The following NRXN3 variants were observed in gnomAD, a reference collection of about 807,000 sequenced individuals.
The protein encoded by NRXN3 is neurexin 3.
NRXN3 carries 32 observed loss-of-function variants against 137.6 expected under a neutral mutation model. That is an observed-to-expected ratio of 0.23 (90% CI 0.18 to 0.31). NRXN3 has a LOEUF of 0.31. Among genes scored for constraint, NRXN3 ranks in the 10% least tolerant of loss-of-function variants. The pLI, the probability that NRXN3 is intolerant of heterozygous loss-of-function variation, is 1.00. For missense variants in NRXN3, 1,574 were observed against 2,062.5 expected (o/e 0.76, Z 4.59); for synonymous variants, 798 against 784.5 (o/e 1.02, Z -0.29).
chr14:78,289,806 G>A (rs1404547208), intron 3 of NRXN3, among the ~76,000 whole-genome samples: 3 of 152,106 alleles, frequency 2.0e-5, no homozygotes, highest in Non-Finnish European at 2.9e-5. Flanking sequence ...CCCAGCCACT[G>A]GGAAGGCTGG....
chr14:78,532,070 C>T (rs140550800), intron 4 of NRXN3, among the ~76,000 whole-genome samples: 3,180 of 148,726 alleles, frequency 0.021, 65 homozygotes, highest in Non-Finnish European at 0.031. Flanking sequence ...TTTGAGAGGC[C>T]GAGGTAGGTG....
At chr14:78,842,199 G>A (rs1446600431) in intron 10 of NRXN3, among the ~76,000 whole-genome samples, 1 of 151,920 alleles carries the variant, frequency 6.6e-6, no homozygotes, top group Non-Finnish European at 1.5e-5. Context: ...CCTTTAATCT[G>A]GTCATTTATT....
intron 15 of NRXN3, among the ~76,000 whole-genome samples, chr14:79,179,931 T>C (rs1033076266): frequency 1.3e-5 from 2 of 152,228 alleles, no homozygotes; most frequent in Non-Finnish European, 2.9e-5. Context: ...ATTTCTTTAA[T>C]GCTCAATCAG....
chr14:78,228,489 C>A (rs2064976116), intron 1 of NRXN3, among the ~76,000 whole-genome samples: 1 of 152,072 alleles, frequency 6.6e-6, no homozygotes, highest in Non-Finnish European at 1.5e-5. Context: ...GTAAGGTGAA[C>A]AGAAAAATAG....
intron 10 of NRXN3, among the ~76,000 whole-genome samples, chr14:78,933,429 A>C (rs2099327533): frequency 6.6e-6 from 1 of 152,226 alleles, no homozygotes; most frequent in African/African-American, 2.4e-5. Context: ...CTTTGTGGCT[A>C]ACTGATCTTT....
At chr14:78,448,787 C>T (rs921939533) in intron 4 of NRXN3, among the ~76,000 whole-genome samples, 3 of 152,220 alleles carry the variant, frequency 2.0e-5, no homozygotes, top group Middle Eastern at 3.4e-3. Flanking sequence ...CCCTCTTATC[C>T]CCTCCCCTGC....
rs187414124 is a variant in NRXN3, at chr14:78,617,242, T to C, written c.758-27878T>C. Among the ~76,000 whole-genome samples the C allele has an allele frequency of 2.3e-4, 35 of 152,198 alleles. 1 individual carries two copies. Among genetic ancestry groups the C allele is most frequent in the Non-Finnish European group, 4.4e-4 (30 of 68,004 alleles). ...CCTCCCAGCTGTTGGAGGAAGGAAA[T>C]TGCTGACAGCCACTCCCCATTGGGT... On this transcript the variant is annotated intron_variant, in intron 4 of 20. Transcript: ENST00000335750.
At chr14:78,684,837 A>G (rs186012781) in intron 6 of NRXN3, among the ~76,000 whole-genome samples, 6 of 152,230 alleles carry the variant, frequency 3.9e-5, no homozygotes, top group Admixed American at 6.5e-5. Context: ...TTTTTTCCCC[A>G]AGAGTATTGA....
At chr14:79,520,332 C>T (rs2097051051) in intron 16 of NRXN3, among the ~76,000 whole-genome samples, 1 of 152,074 alleles carries the variant, frequency 6.6e-6, no homozygotes, top group Non-Finnish European at 1.5e-5. Context: ...TTCTGGGATA[C>T]TTGTGCAGAA....
At chr14:78,411,371 T>C (rs1598370407) in intron 4 of NRXN3, among the ~76,000 whole-genome samples, 1 of 152,178 alleles carries the variant, frequency 6.6e-6, no homozygotes, top group East Asian at 1.9e-4. Flanking sequence ...GCTGAGCCTT[T>C]CCCTGCTGCA....
chr14:78,597,800 T>A (rs1372355249), intron 4 of NRXN3, among the ~76,000 whole-genome samples: 1 of 152,174 alleles, frequency 6.6e-6, no homozygotes, highest in African/African-American at 2.4e-5. Context: ...CATGAAGACA[T>A]ATAAACAGTG....
intron 10 of NRXN3, among the ~76,000 whole-genome samples, chr14:78,848,133 A>G (rs1455402197): frequency 6.6e-6 from 1 of 152,136 alleles, no homozygotes; most frequent in Non-Finnish European, 1.5e-5. Context: ...ATGGTGGGGC[A>G]GATGTGGGCT....
At chr14:79,104,229 G>C (rs1333701548) in intron 15 of NRXN3, among the ~76,000 whole-genome samples, 1 of 152,168 alleles carries the variant, frequency 6.6e-6, no homozygotes, top group Non-Finnish European at 1.5e-5. Context: ...CATGTCAATA[G>C]GACATGTGGA....
At chr14:78,884,937 A>T (rs1259592165) in intron 10 of NRXN3, among the ~76,000 whole-genome samples, 1 of 150,802 alleles carries the variant, frequency 6.6e-6, no homozygotes, top group Non-Finnish European at 1.5e-5. Context: ...ATTAAAGCGT[A>T]CCTGACACAT....
intron 16 of NRXN3, among the ~76,000 whole-genome samples, chr14:79,484,433 TG>T (rs1466630003): frequency 6.6e-6 from 1 of 152,202 alleles, no homozygotes; most frequent in Non-Finnish European, 1.5e-5. Flanking sequence ...TATTTTTAAA[TG>T]CAGATATTTC....
At chr14:78,940,461 T>C (rs2099350897) in intron 10 of NRXN3, among the ~76,000 whole-genome samples, 1 of 152,210 alleles carries the variant, frequency 6.6e-6, no homozygotes, top group Non-Finnish European at 1.5e-5. Flanking sequence ...TACATTTTTA[T>C]ATCACTCTCT....
At chr14:79,393,824 A>G (rs1402279410) in intron 15 of NRXN3, among the ~76,000 whole-genome samples, 1 of 152,176 alleles carries the variant, frequency 6.6e-6, no homozygotes, top group African/African-American at 2.4e-5. Flanking sequence ...AAAAAAACAA[A>G]AACAAAAACA....
chr14:79,338,218 AGTGTGTGTGTGTGTGT>A (rs56816357), intron 15 of NRXN3, among the ~76,000 whole-genome samples: 1 of 141,148 alleles, frequency 7.1e-6, no homozygotes, highest in Non-Finnish European at 1.5e-5. Context: ...TGTGTATGTG[AGTGTGTGTGTGTGTGT>A]GTGTGTGTGT....
At chr14:79,776,091 G>A (rs765979905) in intron 19 of NRXN3, among the ~76,000 whole-genome samples, 1 of 152,100 alleles carries the variant, frequency 6.6e-6, no homozygotes, top group African/African-American at 2.4e-5. Flanking sequence ...GACAAACGTT[G>A]GCATCATCCT....
Sources: gnomAD v4.1 joint callset for allele counts (sites outside exome capture counted in the v4.1 genomes callset) on GRCh38, gnomAD v4.1.1 for gene constraint, MANE v1.5 for transcripts, NCBI Gene and HGNC (gene_info 2026-07-23, HGNC 2026-07-21) for gene names.